The following SVEP1 variants were observed in gnomAD, a reference collection of about 807,000 sequenced individuals.
The protein encoded by SVEP1 is sushi, von Willebrand factor type A, EGF and pentraxin domain-containing protein 1.
Under a neutral mutation model 367.3 loss-of-function variants are expected in SVEP1, and 164 were observed. The ratio of observed to expected loss-of-function variants is 0.45; its 90% CI spans 0.39 to 0.51. The LOEUF (loss-of-function observed/expected upper bound fraction) is 0.51, where lower values mean the gene tolerates loss of function less well. Ranked by LOEUF, SVEP1 falls within the 20% of genes least tolerant of loss-of-function variation. SVEP1 has a pLI of 0.00. For synonymous variants in SVEP1, 1,666 were observed against 1,611.6 expected, an observed-to-expected ratio of 1.03 and a Z score of -0.81; for missense variants, 4,117 against 4,425.3, an observed-to-expected ratio of 0.93 and a Z score of 1.98.
chr9:110,475,284 C>T (rs1436938707), intron 14 of SVEP1, among the ~76,000 whole-genome samples: 1 of 152,118 alleles, frequency 6.6e-6, no homozygotes, highest in Non-Finnish European at 1.5e-5. Context: ...CGAATTAATA[C>T]TTACCATCTC....
chr9:110,391,149 C>A (rs1827648701), intron 40 of SVEP1, among the ~76,000 whole-genome samples: 1 of 151,924 alleles, frequency 6.6e-6, no homozygotes, highest in African/African-American at 2.4e-5. Flanking sequence ...ATAATTTATT[C>A]TTTAAATAAT....
rs9721401 is a variant in SVEP1 at position 110,383,824 on chromosome 9, A to G, written c.10237+2074T>C. ...TGGAGTTGCTGAAATTCCCGCAGGG[A>G]GGTCCTGCTTAGCGAGGAGGAAGGA... On this transcript the variant is annotated intron_variant, in intron 43 of 47. Coordinates refer to ENST00000374469, the MANE Select transcript of SVEP1 (RefSeq NM_153366.4). Among the ~76,000 whole-genome samples, 319 of 112,430 alleles carry G rather than the reference A, an allele frequency of 2.8e-3. 1 individual carries two copies. The highest frequency in any genetic ancestry group is 0.011 in the African/African-American group (303 of 27,864). The allele number at this position is 112,430 out of a possible 152,430, so 73.8% of individuals were successfully genotyped here. A position where few individuals can be genotyped will look rare whatever the true frequency, so the allele number is the denominator to read the frequency against.
At chr9:110,376,303 T>C (rs966720530) in intron 45 of SVEP1, among the ~76,000 whole-genome samples, 2 of 151,936 alleles carry the variant, frequency 1.3e-5, no homozygotes, top group Non-Finnish European at 2.9e-5. Context: ...GCCAGACCTG[T>C]CGTGGGGTAC....
Position 110,458,568 on chromosome 9 carries a change from CAATT to C in SVEP1, c.3485-10_3485-7del. ...TGAGAAAGTTGAACTAAAACCTAAT[CAATT>C]AATAGAAAAACATGTCAGTGTGGCA... On this transcript the variant is annotated splice_region_variant and splice_polypyrimidine_tract_variant and intron_variant, in intron 19 of 47. Transcript: ENST00000374469. 1 of 1,605,074 alleles carries C rather than the reference CAATT, an allele frequency of 6.2e-7. No individual in the cohort carries two copies. Among genetic ancestry groups the C allele is most frequent in the South Asian group, 1.1e-5 (1 of 89,228 alleles).
At chr9:110,431,199 C>T (rs747205348) in intron 32 of SVEP1, among the ~76,000 whole-genome samples, 10 of 151,964 alleles carry the variant, frequency 6.6e-5, no homozygotes, top group Non-Finnish European at 1.3e-4. Context: ...TGAATATCAC[C>T]TAATATTAAC....
intron 9 of SVEP1, among the ~76,000 whole-genome samples, chr9:110,489,308 T>C (rs1377925606): frequency 6.6e-6 from 1 of 152,176 alleles, no homozygotes; most frequent in Non-Finnish European, 1.5e-5. Flanking sequence ...ATGCTGCTAA[T>C]AAAGACATAC....
At position 110,459,188 on chromosome 9, in the gene SVEP1, T is replaced by C. The variant is rs966578976; in HGVS notation, c.3323-75A>G. 26 of 1,393,102 alleles carry C rather than the reference T, an allele frequency of 1.9e-5. No individual in the cohort carries two copies. In the East Asian group the frequency reaches 2.1e-4, roughly 11 times the overall value. 86.3% of individuals were successfully genotyped at this position (1,393,102 alleles called of 1,614,324 possible). A position where few individuals can be genotyped will look rare whatever the true frequency, so the allele number is the denominator to read the frequency against. Reference sequence around the variant, plus strand: ...CATTTGAAAGAAGTGATTTAATCTGTGCATATAAGAAACCTACTGAATTAT... The same window carrying C: ...CATTTGAAAGAAGTGATTTAATCTGCGCATATAAGAAACCTACTGAATTAT... On this transcript the variant is annotated intron_variant, in intron 18 of 47. Transcript: ENST00000374469.
In SVEP1 at chr9:110,407,099, C is replaced by A. The variant is rs1352468927; in HGVS notation, c.8501G>T (p.Ser2834Ile). The A allele has an allele frequency of 4.3e-6, 7 of 1,613,894 alleles. No individual in the cohort carries two copies. The highest frequency in any genetic ancestry group is 5.9e-6 in the Non-Finnish European group (7 of 1,179,896). ...DEPICIPVDC[S>I]SPPVSANGQV... Reference sequence around the variant, plus strand: ...GCCATTGGCTGAGACTGGGGGTGAACTGCAGTCCACAGGAATGCAAATGGG... The same window carrying A: ...GCCATTGGCTGAGACTGGGGGTGAAATGCAGTCCACAGGAATGCAAATGGG... The change falls in exon 38 of 48, where the codon AGT (serine) becomes ATT (isoleucine). Residue 2834 changes from serine (S) to isoleucine (I), a missense_variant. Ser to Ile is a moderately radical substitution (Grantham distance 142). Around this residue, in one of 4 missense-constraint regions of SVEP1, gnomAD observed 1,765 missense variants for 1,781.1 expected, o/e 0.99. Coordinates refer to ENST00000374469, the MANE Select transcript of SVEP1 (RefSeq NM_153366.4).
chr9:110,556,098 G>T (rs941730800), intron 1 of SVEP1, among the ~76,000 whole-genome samples: 1 of 152,092 alleles, frequency 6.6e-6, no homozygotes, highest in Non-Finnish European at 1.5e-5. Flanking sequence ...ATGGCAAAAG[G>T]TTATCACCAT....
At chr9:110,534,376 G>T (rs1830055852) in intron 3 of SVEP1, among the ~76,000 whole-genome samples, 1 of 152,124 alleles carries the variant, frequency 6.6e-6, no homozygotes, top group African/African-American at 2.4e-5. Context: ...TTTCATGGCT[G>T]CATAGTATTC....
rs373655861 is a variant in SVEP1, at chr9:110,375,388, G to A, written c.10580C>T (p.Thr3527Met). ...CCTACCTGTATGACAGCGAGACCCC[G>A]TCCAGCCAGGCGGGCAGTCACACTG... ...PYQCDCPPGWTGSRCHTAVCQ... is the reference protein window; with the variant it reads ...PYQCDCPPGWMGSRCHTAVCQ... The change falls in exon 46 of 48, where the codon ACG (threonine) becomes ATG (methionine). Residue 3527 changes from threonine (T) to methionine (M), a missense_variant. Physicochemically the swap from Thr to Met is moderately conservative, Grantham distance 81. Transcript: ENST00000374469. The A allele has an allele frequency of 4.8e-5, 73 of 1,529,264 alleles. No homozygotes were observed. In the South Asian group the frequency reaches 5.4e-4, roughly 11 times the overall value. The allele number at this position is 1,529,264 out of a possible 1,614,324, so 94.7% of individuals were successfully genotyped here.
In SVEP1 at chr9:110,387,320, T is replaced by C. The variant is rs1439911965; in HGVS notation, c.10025A>G (p.Asn3342Ser). ...AGGGACTGGGTGGCTCCAGGTTCCATTTTCTGTGCAGTGTGCCTCAGATGG... is the reference window on the plus strand; with the variant it reads ...AGGGACTGGGTGGCTCCAGGTTCCACTTTCTGTGCAGTGTGCCTCAGATGG... Reference protein sequence around the residue: ...EGPSEAHCTENGTWSHPVPLC... With the variant: ...EGPSEAHCTESGTWSHPVPLC... The change falls in exon 42 of 48, where the codon AAT (asparagine) becomes AGT (serine). Residue 3342 changes from asparagine (N) to serine (S), a missense_variant. Transcript: ENST00000374469. 3.7e-6 allele frequency: 6 copies of C among 1,606,376 alleles called. No homozygotes were observed. The African/African-American group carries it at 5.4e-5, about 14-fold the overall frequency.
chr9:110,403,845 A>C (rs79002346), intron 39 of SVEP1, among the ~76,000 whole-genome samples: 2,008 of 138,928 alleles, frequency 0.014, 60 homozygotes, highest in Middle Eastern at 0.049. Flanking sequence ...GATACGTGTA[A>C]TAATACACTT....
chr9:110,388,357 G>A (rs1336067588), intron 41 of SVEP1, among the ~76,000 whole-genome samples: 3 of 152,136 alleles, frequency 2.0e-5, no homozygotes, highest in African/African-American at 7.2e-5. Context: ...CTCAAAAAAT[G>A]GGCTTGAGTC....
chr9:110,406,646 G>T lies in SVEP1; in HGVS notation c.8954C>A (p.Ser2985Ter). Residue 2985 changes from serine to a stop codon, truncating the protein, a stop_gained, in exon 38 of 48, where the codon TCA becomes TAA. Coordinates refer to ENST00000374469, the MANE Select transcript of SVEP1 (RefSeq NM_153366.4). LOFTEE classifies it high-confidence loss of function. Reference sequence around the variant, plus strand: ...GCCATTGGAGAGGCACCTTCTTGATGAATTTCCATGGAGCTTATAACCAGG... The same window carrying T: ...GCCATTGGAGAGGCACCTTCTTGATTAATTTCCATGGAGCTTATAACCAGG... The part of the protein sequence containing the change: ...CFPGYKLHGN[S>*]SRRCLSNGSW... 6.2e-7 allele frequency: 1 copy of T among 1,614,000 alleles called. No individual in the cohort carries two copies. Among genetic ancestry groups the T allele is most frequent in the Non-Finnish European group, 8.5e-7 (1 of 1,179,894 alleles).
At chr9:110,455,196 T>C (rs1828760145) in intron 22 of SVEP1, among the ~76,000 whole-genome samples, 1 of 152,124 alleles carries the variant, frequency 6.6e-6, no homozygotes, top group Admixed American at 6.6e-5. Context: ...AGTAAAATAC[T>C]AGTAAAAAGC....
intron 1 of SVEP1, among the ~76,000 whole-genome samples, chr9:110,566,371 T>C (rs1830494286): frequency 1.4e-5 from 2 of 147,126 alleles, no homozygotes; most frequent in Middle Eastern, 3.4e-3. Context: ...AATAAATAAA[T>C]AATAACCTAA....
chr9:110,573,802 A>C (rs7867228), intron 1 of SVEP1, among the ~76,000 whole-genome samples: 28 of 152,026 alleles, frequency 1.8e-4, no homozygotes, highest in Non-Finnish European at 3.8e-4. Context: ...TTACTCACCC[A>C]GAACAAACAG....
intron 1 of SVEP1, among the ~76,000 whole-genome samples, chr9:110,566,353 A>G (rs540888824): frequency 4.7e-5 from 7 of 148,816 alleles, no homozygotes; most frequent in Admixed American, 6.6e-5. Context: ...TAAATAAATA[A>G]ATAAATAAAT....
Sources: gnomAD v4.1 joint callset for allele counts (sites outside exome capture counted in the v4.1 genomes callset) on GRCh38, gnomAD v4.1.1 for gene constraint, gnomAD v4.1.1 regional missense constraint, MANE v1.5 for transcripts, NCBI Gene and HGNC (gene_info 2026-07-23, HGNC 2026-07-21) for gene names.